GIT1: variants seen among roughly 807,000 people sequenced by gnomAD.
The protein encoded by GIT1 is GIT ArfGAP 1.
Under a neutral mutation model 91.7 loss-of-function variants are expected in GIT1, and 14 were observed. The observed-to-expected ratio is 0.15, with a 90% CI of 0.10 to 0.24. The LOEUF is 0.24. Among genes scored for constraint, GIT1 ranks in the 10% least tolerant of loss-of-function variants. The pLI, the probability that GIT1 is intolerant of heterozygous loss-of-function variation, is 1.00. For missense variants in GIT1, 717 were observed against 1,024.9 expected, an observed-to-expected ratio of 0.70 and a Z score of 4.10; for synonymous variants, 414 against 418.2, an observed-to-expected ratio of 0.99 and a Z score of 0.12.
chr17:29,578,512 T>G, intron 8 of GIT1, 141 bp from the exon 9 acceptor site: 1 of 873,180 alleles, frequency 1.1e-6, no homozygotes, highest in East Asian at 2.4e-5. Context: ...AATGGGAAAG[T>G]GGAAAGGGAT....
Position 29,575,764 on chromosome 17 carries a change from C to T in GIT1, c.1752+48G>A. On this transcript the variant is annotated intron_variant, in intron 16 of 19. Transcript: ENST00000225394. The surrounding 1 kb of genome is among the most constrained non-coding windows in gnomAD (Gnocchi z 5.5). Reference sequence around the variant, plus strand: ...TTCCTGGACCCACACTGCCCCTAGCCCACACGGCCCCCAGCCACCCTGTGG... The same window carrying T: ...TTCCTGGACCCACACTGCCCCTAGCTCACACGGCCCCCAGCCACCCTGTGG... 1 of 1,609,272 alleles carries T rather than the reference C, an allele frequency of 6.2e-7. No individual in the cohort carries two copies. Among genetic ancestry groups the T allele is most frequent in the Middle Eastern group, 1.7e-4 (1 of 6,048 alleles).
rs1268772841 is a variant in GIT1 at position 29,574,679 on chromosome 17, A to G, written c.*23T>C. 2 of 1,569,428 alleles carry G rather than the reference A, an allele frequency of 1.3e-6. No homozygotes were observed. Among genetic ancestry groups the G allele is most frequent in the East Asian group, 4.5e-5 (2 of 44,544 alleles). ...TATGGCCAGTGAGGTCCTAGGGTGC[A>G]GGTGAGGGTGTGGGGAGAGAGGTCA... is the stretch of plus-strand genomic sequence containing the variant. On this transcript the variant is annotated 3_prime_UTR_variant, in exon 20 of 20. Coordinates refer to ENST00000225394, the MANE Select transcript of GIT1 (RefSeq NM_014030.4).
At chr17:29,585,045 C>T (rs1440647510) in intron 1 of GIT1, among the ~76,000 whole-genome samples, 6 of 151,444 alleles carry the variant, frequency 4.0e-5, no homozygotes, top group African/African-American at 1.5e-4. Context: ...TAAGGGACCC[C>T]CTCCCAATCA....
rs2033390867 is a variant in GIT1 at position 29,581,404 on chromosome 17, GTCAC to G, written c.719-28_719-25del. 1.3e-6 allele frequency: 2 copies of G among 1,599,350 alleles called. No individual in the cohort carries two copies. Among genetic ancestry groups the G allele is most frequent in the East Asian group, 2.2e-5 (1 of 44,848 alleles). On this transcript the variant is annotated intron_variant, in intron 6 of 19. Transcript: ENST00000225394. The surrounding 1 kb of genome is among the most constrained non-coding windows in gnomAD (Gnocchi z 4.8). ...ATCTGAACAAAAATAAAAATGCCAA[GTCAC>G]TCACTAGTGCTGGGTGGCCTCAGCA...
intron 8 of GIT1, 38 bp from the exon 9 acceptor site, chr17:29,578,409 T>C (rs1191706313): frequency 6.3e-7 from 1 of 1,594,444 alleles, no homozygotes; most frequent in Non-Finnish European, 8.6e-7. Context: ...GTCAGATGCA[T>C]CGGCTCCCAG....
chr17:29,574,578 A>C lies in GIT1; in HGVS notation c.*124T>G. On this transcript the variant is annotated 3_prime_UTR_variant, in exon 20 of 20. Transcript: ENST00000225394. ...GCACCAGGGCACCTGGCTGCCAGGG[A>C]GTGTGGCAGCACTAAGGGCACTTGT... 1.2e-6 allele frequency: 1 copy of C among 847,780 alleles called. No homozygotes were observed. Among genetic ancestry groups the C allele is most frequent in the Non-Finnish European group, 2.0e-6 (1 of 506,602 alleles). The allele number at this position is 847,780 out of a possible 1,614,324, so 52.5% of individuals were successfully genotyped here. A position where few individuals can be genotyped will look rare whatever the true frequency, so the allele number is the denominator to read the frequency against.
In GIT1 at chr17:29,581,584, C is replaced by A; in HGVS notation, c.718+158G>T. On this transcript the variant is annotated intron_variant, in intron 6 of 19. Transcript: ENST00000225394. The surrounding 1 kb of genome is among the most constrained non-coding windows in gnomAD (Gnocchi z 4.8). ...CTCCCTAGCCCCAGCGATGCTATGG[C>A]CCAGAGCCTGCAGTAATTTCACAGG... 1.4e-6 allele frequency: 1 copy of A among 699,344 alleles called. No homozygotes were observed. The highest frequency in any genetic ancestry group is 2.7e-5 in the East Asian group (1 of 37,196). The allele number at this position is 699,344 out of a possible 1,614,324, so 43.3% of individuals were successfully genotyped here. A position where few individuals can be genotyped will look rare whatever the true frequency, so the allele number is the denominator to read the frequency against.
chr17:29,577,347 TA>T (rs1280409226), intron 10 of GIT1, 100 bp from the exon 11 acceptor site: 1 of 920,106 alleles, frequency 1.1e-6, no homozygotes, highest in Non-Finnish European at 1.7e-6. Context: ...CCATTTAATT[TA>T]ACCCCAGCTA....
Position 29,581,442 on chromosome 17 carries a change from C to A in GIT1, c.719-62G>T, listed in dbSNP as rs2033391852. ...GCTGGGTGGCCTCAGCAGCTGGGAG[C>A]CCACCTCACTGCCATGAGCAGGGCT... On this transcript the variant is annotated intron_variant, in intron 6 of 19. Transcript: ENST00000225394. This position sits in a 1 kb window ranked among gnomAD's most constrained non-coding sequence, Gnocchi z 4.8. The A allele has an allele frequency of 7.8e-7, 1 of 1,283,910 alleles. No individual in the cohort carries two copies. Among genetic ancestry groups the A allele is most frequent in the Admixed American group, 1.7e-5 (1 of 59,416 alleles). 79.5% of individuals were successfully genotyped at this position (1,283,910 alleles called of 1,614,324 possible). A position where few individuals can be genotyped will look rare whatever the true frequency, so the allele number is the denominator to read the frequency against.
At chr17:29,584,985 C>T (rs559332694) in intron 1 of GIT1, among the ~76,000 whole-genome samples, 4 of 107,822 alleles carry the variant, frequency 3.7e-5, no homozygotes, top group South Asian at 6.0e-4. Context: ...TTTTTTGAGA[C>T]GGAGTCCCGC....
chr17:29,579,780 C>T (rs1245462015), intron 7 of GIT1, among the ~76,000 whole-genome samples: 1 of 152,134 alleles, frequency 6.6e-6, no homozygotes, highest in Non-Finnish European at 1.5e-5. Context: ...CCTCTCCTCC[C>T]TGAAAAATAG....
chr17:29,575,561 C>A lies in GIT1; in HGVS notation c.1826+69G>T. 7.0e-6 allele frequency: 11 copies of A among 1,564,784 alleles called. No individual in the cohort carries two copies. The highest frequency in any genetic ancestry group is 1.7e-6 in the Non-Finnish European group (2 of 1,143,428). On this transcript the variant is annotated intron_variant, in intron 17 of 19. Transcript: ENST00000225394. This position sits in a 1 kb window ranked among gnomAD's most constrained non-coding sequence, Gnocchi z 5.5. ...AGCCGCCCGCCTTGGTCCTCACACA[C>A]TGGGGGCCCTCTCAACCTCCCCGCC... is the stretch of plus-strand genomic sequence containing the variant.
At chr17:29,583,840 AC>A in intron 1 of GIT1, 1 of 570,900 alleles carries the variant, frequency 1.8e-6, no homozygotes, top group South Asian at 2.3e-5. Context: ...CTACATCCTT[AC>A]CCCTCTGGGA....
In GIT1 at chr17:29,576,043, A is replaced by G. The variant is rs372571539; in HGVS notation, c.1665+35T>C. ...CAGAACCCCCTGGGGCTCAGAACCTACTGGCTAAGATGGACACGCCTTCCC... is the reference window on the plus strand; with the variant it reads ...CAGAACCCCCTGGGGCTCAGAACCTGCTGGCTAAGATGGACACGCCTTCCC... On this transcript the variant is annotated intron_variant, in intron 15 of 19. Transcript: ENST00000225394. 29 of 1,608,536 alleles carry G rather than the reference A, an allele frequency of 1.8e-5. No individual in the cohort carries two copies. The African/African-American group carries it at 3.5e-4, about 19-fold the overall frequency.
Position 29,581,134 on chromosome 17 carries a change from G to A in GIT1, c.761+204C>T, listed in dbSNP as rs1598573006. 1.7e-6 allele frequency: 1 copy of A among 603,100 alleles called. No individual in the cohort carries two copies. Among genetic ancestry groups the A allele is most frequent in the East Asian group, 2.8e-5 (1 of 36,076 alleles). The allele number at this position is 603,100 out of a possible 1,614,324, so 37.4% of individuals were successfully genotyped here. ...ATGTACTTGACAGTCACGGGGCTCA[G>A]GCTATGCGGGCCACATATGGAGCTG... On this transcript the variant is annotated intron_variant, in intron 7 of 19. Coordinates refer to ENST00000225394, the MANE Select transcript of GIT1 (RefSeq NM_014030.4). The surrounding 1 kb of genome is among the most constrained non-coding windows in gnomAD (Gnocchi z 4.8).
At chr17:29,588,790 G>A (rs1567779158) in intron 1 of GIT1, among the ~76,000 whole-genome samples, 1 of 152,222 alleles carries the variant, frequency 6.6e-6, no homozygotes, top group Non-Finnish European at 1.5e-5. Context: ...AGTCCTGGGA[G>A]TAGCCACCGC....
At chr17:29,576,730 C>A in intron 12 of GIT1, 56 bp from the exon 13 acceptor site, 1 of 1,605,550 alleles carries the variant, frequency 6.2e-7, no homozygotes. Flanking sequence ...CCAACACCCG[C>A]AGGGGGCAGT....
intron 1 of GIT1, chr17:29,583,910 C>T: frequency 2.3e-6 from 1 of 426,700 alleles, no homozygotes; most frequent in East Asian, 3.7e-5. Flanking sequence ...GCCACTGCTA[C>T]CAGTCTCTCA....
Position 29,574,807 on chromosome 17 carries a change from T to C in GIT1, c.2181A>G (p.Pro727=), listed in dbSNP as rs745604727. ...GCTGAGTCAGCAGCTGGAAGTCCAC[T>C]GGGGCGCCGGGCTCTGGGGGCACTG... is the stretch of plus-strand genomic sequence containing the variant. ...RKTVPPEPGA[P]VDFQLLTQQV... is the part of the protein sequence containing the mutation. The change falls in exon 20 of 20, where the codon CCA becomes CCG. Residue 727 remains proline, a synonymous_variant. Coordinates refer to ENST00000225394, the MANE Select transcript of GIT1 (RefSeq NM_014030.4). 4 of 1,612,186 alleles carry C rather than the reference T, an allele frequency of 2.5e-6. No individual in the cohort carries two copies. Among genetic ancestry groups the C allele is most frequent in the Admixed American group, 1.7e-5 (1 of 59,982 alleles).
Sources: allele counts gnomAD v4.1 joint callset (sites outside exome capture counted in the v4.1 genomes callset), GRCh38; gene constraint gnomAD v4.1.1; non-coding constraint Gnocchi (gnomAD v3.1); transcripts MANE v1.5; gene names NCBI Gene and HGNC (gene_info 2026-07-23, HGNC 2026-07-21).